The following PPP6R3 variants were observed in gnomAD, a reference collection of about 807,000 sequenced individuals.
PPP6R3 encodes serine/threonine-protein phosphatase 6 regulatory subunit 3.
A neutral mutation model predicts 110.7 loss-of-function variants in PPP6R3; 38 were observed. The observed-to-expected ratio is 0.34, with a 90% CI of 0.26 to 0.45. The LOEUF is 0.45. Ranked by LOEUF, PPP6R3 falls within the 20% of genes least tolerant of loss-of-function variation. The pLI is 1.00. For missense variants in PPP6R3, 870 were observed against 1,062.4 expected (o/e 0.82, Z 2.52); for synonymous variants, 369 against 373.5 (o/e 0.99, Z 0.14).
Position 68,596,807 on chromosome 11 carries a change from A to G in PPP6R3, c.2038+589A>G, listed in dbSNP as rs145237041. On this transcript the variant is annotated intron_variant, in intron 19 of 23. Transcript: ENST00000393800. The stretch of plus-strand genomic sequence containing the variant: ...ACAAACGTTCATGTGAAGGAGCCAT[A>G]TGGGCTGATAGCGAGGCTTGCCCCA... 1.2e-3 allele frequency among the ~76,000 whole-genome samples: 182 copies of G among 152,306 alleles called. 1 individual carries two copies. The highest frequency in any genetic ancestry group is 4.2e-3 in the African/African-American group (175 of 41,554).
At chr11:68,595,916 G>T (rs775773763) in intron 18 of PPP6R3, among the ~76,000 whole-genome samples, 181 bp from the exon 19 acceptor site, 1 of 152,178 alleles carries the variant, frequency 6.6e-6, no homozygotes, top group African/African-American at 2.4e-5. Context: ...TTAGTGTGAG[G>T]TTGGGCAGCA....
chr11:68,589,478 T>C (rs1022969958), intron 16 of PPP6R3, among the ~76,000 whole-genome samples: 11 of 152,148 alleles, frequency 7.2e-5, no homozygotes, highest in African/African-American at 2.7e-4. Context: ...TGTAGGTAGT[T>C]AATAGAAATG....
chr11:68,515,751 G>A (rs1009129364), intron 1 of PPP6R3, among the ~76,000 whole-genome samples: 1 of 152,122 alleles, frequency 6.6e-6, no homozygotes, highest in Admixed American at 6.5e-5. Context: ...CCATTTAACT[G>A]TAATTACTTC....
intron 7 of PPP6R3, among the ~76,000 whole-genome samples, chr11:68,556,339 C>G (rs2099399392): frequency 6.6e-6 from 1 of 152,072 alleles, no homozygotes; most frequent in Non-Finnish European, 1.5e-5. Flanking sequence ...GAATGTTTGG[C>G]TTGGGAAGCA....
intron 6 of PPP6R3, among the ~76,000 whole-genome samples, chr11:68,551,941 T>G (rs529982001): frequency 2.5e-4 from 38 of 152,320 alleles, no homozygotes; most frequent in African/African-American, 8.7e-4. Flanking sequence ...GCCGTGGCTG[T>G]TAAGCTCTGA....
intron 2 of PPP6R3, among the ~76,000 whole-genome samples, chr11:68,526,219 C>T (rs2099196847): frequency 6.6e-6 from 1 of 151,950 alleles, no homozygotes. Context: ...CTTTCTAGGG[C>T]CTATGAGAAT....
intron 8 of PPP6R3, among the ~76,000 whole-genome samples, chr11:68,560,892 A>G (rs1395964625): frequency 2.1e-5 from 2 of 93,046 alleles, no homozygotes; most frequent in Non-Finnish European, 4.3e-5. Flanking sequence ...GTTTCCTTAT[A>G]CCTTTTTTTT....
At chr11:68,560,413 TAAG>T (rs1220478556) in intron 8 of PPP6R3, among the ~76,000 whole-genome samples, 1 of 152,192 alleles carries the variant, frequency 6.6e-6, no homozygotes, top group East Asian at 1.9e-4. Flanking sequence ...AGATGAATAA[TAAG>T]AGACTACTAC....
At chr11:68,465,968 C>T (rs1437453186) in intron 1 of PPP6R3, among the ~76,000 whole-genome samples, 2 of 152,166 alleles carry the variant, frequency 1.3e-5, no homozygotes, top group African/African-American at 2.4e-5. Context: ...ATACTGAAGC[C>T]GTTTTGTAAT....
Position 68,576,007 on chromosome 11 carries a change from C to T in PPP6R3, c.1509C>T (p.Ser503=), listed in dbSNP as rs200494467. 16 of 1,612,058 alleles carry T rather than the reference C, an allele frequency of 9.9e-6. No homozygotes were observed. In the East Asian group the frequency reaches 1.8e-4, roughly 18 times the overall value. ...RERWETFCTS[S]LGETNKRNTV... ...GATGGGAGACGTTCTGCACAAGCTC[C>T]TTAGGAGAAACTAACAAGAGGAACA... Residue 503 remains serine, a synonymous_variant, in exon 14 of 24, where the codon TCC becomes TCT. Coordinates refer to ENST00000393800, the MANE Select transcript of PPP6R3 (RefSeq NM_001164161.2).
chr11:68,572,254 G>A (rs962784177), intron 12 of PPP6R3, among the ~76,000 whole-genome samples: 4 of 152,092 alleles, frequency 2.6e-5, no homozygotes, highest in African/African-American at 9.7e-5. Flanking sequence ...TCTTCTTGCT[G>A]CCTCCTCATC....
chr11:68,526,285 T>C (rs2099197330), intron 2 of PPP6R3, among the ~76,000 whole-genome samples: 1 of 152,048 alleles, frequency 6.6e-6, no homozygotes. Flanking sequence ...AGACAGGGTC[T>C]TACTCTGTCA....
intron 1 of PPP6R3, among the ~76,000 whole-genome samples, chr11:68,507,572 A>G (rs776412860): frequency 5.3e-5 from 8 of 152,138 alleles, no homozygotes; most frequent in African/African-American, 9.7e-5. Flanking sequence ...GTCCTTGTAG[A>G]GATGAATTAT....
rs576683732 is a variant in PPP6R3 at position 68,507,647 on chromosome 11, G to A, written c.-157-11854G>A. ...CTTTAGAAAACGTGTGAGGGTACTT[G>A]CAGCAATGGGATTTTTGAGATTTGC... is the stretch of plus-strand genomic sequence containing the variant. On this transcript the variant is annotated intron_variant, in intron 1 of 23. Coordinates refer to ENST00000393800, the MANE Select transcript of PPP6R3 (RefSeq NM_001164161.2). Among the ~76,000 whole-genome samples the A allele has an allele frequency of 2.0e-5, 3 of 152,246 alleles. No individual in the cohort carries two copies. The South Asian group carries it at 6.2e-4, about 32-fold the overall frequency.
intron 1 of PPP6R3, among the ~76,000 whole-genome samples, chr11:68,466,884 A>G (rs2098751367): frequency 6.6e-6 from 1 of 151,812 alleles, no homozygotes; most frequent in Admixed American, 6.6e-5. Flanking sequence ...AAGTGCTGGG[A>G]TTACAGGCGT....
chr11:68,471,910 T>C (rs1334671881), intron 1 of PPP6R3, among the ~76,000 whole-genome samples: 1 of 151,294 alleles, frequency 6.6e-6, no homozygotes, highest in African/African-American at 2.4e-5. Flanking sequence ...CATGTGGACG[T>C]TGGCTTTTTT....
At chr11:68,573,138 ATATATATATATATAT>A (rs1355160781) in intron 12 of PPP6R3, among the ~76,000 whole-genome samples, 2 of 111,132 alleles carry the variant, frequency 1.8e-5, no homozygotes, top group African/African-American at 7.4e-5. Flanking sequence ...ATATATATAT[ATATATATATATATAT>A]AATTTTTTTT....
intron 12 of PPP6R3, 97 bp downstream of exon 12, chr11:68,571,201 A>T: frequency 7.0e-7 from 1 of 1,424,976 alleles, no homozygotes; most frequent in Non-Finnish European, 9.3e-7. Flanking sequence ...GGAAATAATT[A>T]CATGATACTG....
chr11:68,545,693 C>T (rs2099346605), intron 4 of PPP6R3, among the ~76,000 whole-genome samples: 1 of 152,216 alleles, frequency 6.6e-6, no homozygotes, highest in South Asian at 2.1e-4. Flanking sequence ...CCTGCTGAAT[C>T]AGAAACTCTG....
Sources: gnomAD v4.1 joint callset for allele counts (sites outside exome capture counted in the v4.1 genomes callset) on GRCh38, gnomAD v4.1.1 for gene constraint, MANE v1.5 for transcripts, NCBI Gene and HGNC (gene_info 2026-07-23, HGNC 2026-07-21) for gene names.